The following PLCXD1 variants were observed in gnomAD, a reference collection of about 807,000 sequenced individuals.
PLCXD1 encodes phosphatidylinositol specific phospholipase C X domain containing 1, also known as PI-PLC X domain-containing protein 1.
A neutral mutation model predicts 37.8 loss-of-function variants in PLCXD1; 45 were observed. That is an observed-to-expected ratio of 1.19 (90% CI 0.94 to 1.53). PLCXD1 has a LOEUF of 1.53. Ranked by LOEUF, PLCXD1 falls within the 40% of genes most tolerant of loss-of-function variation. The probability of loss-of-function intolerance (pLI) is 0.00; values close to 1 mark genes in which losing one functional copy is unlikely to be tolerated. For synonymous variants in PLCXD1, 246 were observed against 206.9 expected (o/e 1.19, Z -1.62); for missense variants, 539 against 454.7 (o/e 1.19, Z -1.69).
upstream of PLCXD1, chrX:281,177 G>A (rs1238062584): frequency 4.1e-6 from 1 of 244,312 alleles, no homozygotes; most frequent in African/African-American, 2.4e-5. Flanking sequence ...GCAGGGGGAG[G>A]GGAAGCCGTC....
chrX:282,455 A>G (rs2069301306), intron 1 of PLCXD1, among the ~76,000 whole-genome samples: 7 of 152,132 alleles, frequency 4.6e-5, no homozygotes, highest in Non-Finnish European at 1.0e-4. Flanking sequence ...CAGTAATCCC[A>G]GCACTTTGGG....
rs754845476 is a variant in PLCXD1, at chrX:290,244, G to A, written c.265-404G>A. Among the ~76,000 whole-genome samples, 456 of 152,180 alleles carry A rather than the reference G, an allele frequency of 3.0e-3. 5 individuals are homozygous for A. The highest frequency in any genetic ancestry group is 0.011 in the African/African-American group (440 of 41,546). On this transcript the variant is annotated intron_variant, in intron 3 of 6. Coordinates refer to ENST00000381657, the MANE Select transcript of PLCXD1 (RefSeq NM_018390.4). ...AGATCGAGACCGTCCTGGCTAACATGTTGAAACCACATCTCTACTAAAAAT... is the reference window on the plus strand; with the variant it reads ...AGATCGAGACCGTCCTGGCTAACATATTGAAACCACATCTCTACTAAAAAT...
Position 284,147 on chromosome X carries a change from T to G in PLCXD1, c.-21-20T>G. 1 of 1,609,258 alleles carries G rather than the reference T, an allele frequency of 6.2e-7. No individual in the cohort carries two copies. Among genetic ancestry groups the G allele is most frequent in the Non-Finnish European group, 8.5e-7 (1 of 1,177,228 alleles). ...CTGAAGTCACCGTAAAAAACCTCTT[T>G]TCCTCTTCTCCTTCCTCAGGTTGCC... On this transcript the variant is annotated intron_variant, in intron 1 of 6. Transcript: ENST00000381657.
At chrX:277,286 T>C (rs111112791), upstream of PLCXD1, among the ~76,000 whole-genome samples, 6,698 of 21,004 alleles carry the variant, frequency 0.32, 1,916 homozygotes, top group East Asian at 0.48. Context: ...GATGTGGGGA[T>C]AGGAGGGGAC....
At chrX:294,011 G>A (rs1452869159) in intron 6 of PLCXD1, among the ~76,000 whole-genome samples, 1 of 152,214 alleles carries the variant, frequency 6.6e-6, no homozygotes, top group Non-Finnish European at 1.5e-5. Flanking sequence ...ATTAGAGAAG[G>A]GGTCTCACTG....
At chrX:286,851 A>G (rs1054399446) in intron 2 of PLCXD1, among the ~76,000 whole-genome samples, 1 of 151,930 alleles carries the variant, frequency 6.6e-6, no homozygotes, top group Non-Finnish European at 1.5e-5. Context: ...CTTATAAACT[A>G]GGCAAGGTGG....
At chrX:283,973 C>G (rs1434022207) in intron 1 of PLCXD1, 194 bp from the exon 2 acceptor site, 1 of 553,298 alleles carries the variant, frequency 1.8e-6, no homozygotes, top group Non-Finnish European at 3.2e-6. Context: ...CCTCCACCTC[C>G]CGGGTTCAAG....
At chrX:278,937 C>A (rs557549966), upstream of PLCXD1, among the ~76,000 whole-genome samples, 1 of 152,080 alleles carries the variant, frequency 6.6e-6, no homozygotes, top group Non-Finnish European at 1.5e-5. Context: ...AAGAGACCCC[C>A]GAACAGGCTT....
At chrX:282,088 A>G (rs2069291358) in intron 1 of PLCXD1, among the ~76,000 whole-genome samples, 1 of 152,190 alleles carries the variant, frequency 6.6e-6, no homozygotes, top group East Asian at 1.9e-4. Flanking sequence ...CAGGTCCACC[A>G]GGAAACATTC....
upstream of PLCXD1, among the ~76,000 whole-genome samples, chrX:277,251 A>G (rs1478915845): frequency 3.0e-5 from 1 of 33,348 alleles, no homozygotes; most frequent in Non-Finnish European, 5.9e-5. Context: ...ATGTGAGGGG[A>G]GGGGTCAGGG....
chrX:295,399 A>G (rs1268231587), intron 6 of PLCXD1, among the ~76,000 whole-genome samples: 1 of 151,902 alleles, frequency 6.6e-6, no homozygotes, highest in Non-Finnish European at 1.5e-5. Flanking sequence ...GGTGATCTTC[A>G]CGGCCGCGAG....
upstream of PLCXD1, among the ~76,000 whole-genome samples, chrX:277,080 C>T (rs2069171135): frequency 6.6e-6 from 1 of 152,152 alleles, no homozygotes; most frequent in Non-Finnish European, 1.5e-5. Flanking sequence ...GGACGGCCTC[C>T]AGACCCCACT....
At chrX:299,075 C>T (rs201860884) in intron 6 of PLCXD1, 22 bp from the exon 7 acceptor site, 5 of 1,579,360 alleles carry the variant, frequency 3.2e-6, no homozygotes, top group African/African-American at 2.7e-5. Flanking sequence ...CGTGTAACCT[C>T]TCCCCACCCT....
Position 281,664 on chromosome X carries a change from C to G in PLCXD1, c.-42C>G, listed in dbSNP as rs776867732. ...GACCAACAATTCGAATTCCGAACTC[C>G]CCCTGCGTGTGGGACTCAAGGTGGG... On this transcript the variant is annotated 5_prime_UTR_variant, in exon 1 of 7. Transcript: ENST00000381657. 6.6e-6 allele frequency: 1 copy of G among 152,146 alleles called. No individual in the cohort carries two copies. Among genetic ancestry groups the G allele is most frequent in the Admixed American group, 6.6e-5 (1 of 15,264 alleles). 9.4% of individuals were successfully genotyped at this position (152,146 alleles called of 1,614,324 possible). A position where few individuals can be genotyped will look rare whatever the true frequency, so the allele number is the denominator to read the frequency against.
chrX:278,780 C>A (rs1170063823), upstream of PLCXD1, among the ~76,000 whole-genome samples: 1 of 108,396 alleles, frequency 9.2e-6, no homozygotes. Context: ...AGGTTGAGGA[C>A]GCGCCTGTGA....
chrX:276,960 G>C (rs984241335), upstream of PLCXD1, among the ~76,000 whole-genome samples: 1 of 152,146 alleles, frequency 6.6e-6, no homozygotes, highest in African/African-American at 2.4e-5. Context: ...GTCTCACCCC[G>C]CCTGGCGGGT....
chrX:288,608 G>A lies in PLCXD1; in HGVS notation c.128-125G>A, dbSNP rs754625541. Reference sequence around the variant, plus strand: ...TTGGGGGTCAGCGTGCACCCCTCCCGCCATACCTGTGCCTGTGCTGTGGGC... The same window carrying A: ...TTGGGGGTCAGCGTGCACCCCTCCCACCATACCTGTGCCTGTGCTGTGGGC... On this transcript the variant is annotated intron_variant, in intron 2 of 6. Coordinates refer to ENST00000381657, the MANE Select transcript of PLCXD1 (RefSeq NM_018390.4). 9.3e-5 allele frequency: 97 copies of A among 1,037,524 alleles called. 1 individual carries two copies. Among genetic ancestry groups the A allele is most frequent in the African/African-American group, 5.5e-4 (36 of 65,948 alleles). The allele number at this position is 1,037,524 out of a possible 1,614,324, so 64.3% of individuals were successfully genotyped here.
chrX:299,519 G>A lies in PLCXD1; in HGVS notation c.*184G>A. 1.6e-6 allele frequency: 1 copy of A among 616,472 alleles called. No individual in the cohort carries two copies. Among genetic ancestry groups the A allele is most frequent in the Non-Finnish European group, 2.9e-6 (1 of 344,330 alleles). 38.2% of individuals were successfully genotyped at this position (616,472 alleles called of 1,614,324 possible). A position where few individuals can be genotyped will look rare whatever the true frequency, so the allele number is the denominator to read the frequency against. ...CTTCGCCTGTCTTCCCAGCACTTTG[G>A]GAGGCCGAGGTGGGTGGATCATGAG... On this transcript the variant is annotated 3_prime_UTR_variant, in exon 7 of 7. Coordinates refer to ENST00000381657, the MANE Select transcript of PLCXD1 (RefSeq NM_018390.4).
upstream of PLCXD1, among the ~76,000 whole-genome samples, chrX:278,708 C>T (rs1352691803): frequency 6.8e-5 from 10 of 146,558 alleles, no homozygotes; most frequent in East Asian, 4.0e-4. Context: ...CACTGCACTC[C>T]AGCCTGGGAG....
Sources: gnomAD v4.1 joint callset for allele counts (sites outside exome capture counted in the v4.1 genomes callset) on GRCh38, gnomAD v4.1.1 for gene constraint, MANE v1.5 for transcripts, NCBI Gene and HGNC (gene_info 2026-07-23, HGNC 2026-07-21) for gene names.